The following DLGAP1 variants were observed in gnomAD, a reference collection of about 807,000 sequenced individuals.
The protein encoded by DLGAP1 is disks large-associated protein 1.
Under a neutral mutation model 90.8 loss-of-function variants are expected in DLGAP1, and 11 were observed. The ratio of observed to expected loss-of-function variants is 0.12; its 90% CI spans 0.08 to 0.20. The LOEUF is 0.20. Among genes scored for constraint, DLGAP1 ranks in the 10% least tolerant of loss-of-function variants. The probability of loss-of-function intolerance (pLI) is 1.00; values close to 1 mark genes in which losing one functional copy is unlikely to be tolerated. For missense variants in DLGAP1, 1,050 were observed against 1,333.8 expected, an observed-to-expected ratio of 0.79 and a Z score of 3.31; for synonymous variants, 558 against 540.7, an observed-to-expected ratio of 1.03 and a Z score of -0.44.
intron 1 of DLGAP1, among the ~76,000 whole-genome samples, chr18:4,307,709 C>CTTTT (rs34193366): frequency 2.8e-5 from 3 of 107,210 alleles, no homozygotes; most frequent in African/African-American, 7.0e-5. Flanking sequence ...TGAGGGTTTA[C>CTTTT]TTTTTTTTTT....
intron 2 of DLGAP1, among the ~76,000 whole-genome samples, chr18:4,111,450 GTT>G (rs1313507730): frequency 3.9e-5 from 6 of 151,986 alleles, no homozygotes; most frequent in Non-Finnish European, 8.8e-5. Context: ...GTTAGGAAGT[GTT>G]TTCTCTCCTC....
At chr18:3,840,435 C>A (rs2068651103) in intron 4 of DLGAP1, among the ~76,000 whole-genome samples, 1 of 152,304 alleles carries the variant, frequency 6.6e-6, no homozygotes, top group African/African-American at 2.4e-5. Context: ...CAACCAAGAG[C>A]AAAGCATCTT....
chr18:3,981,183 C>T (rs536326556), intron 3 of DLGAP1, among the ~76,000 whole-genome samples: 5 of 152,290 alleles, frequency 3.3e-5, no homozygotes, highest in South Asian at 2.1e-4. Context: ...CCCCATCAGA[C>T]GAAAGGGTAT....
intron 10 of DLGAP1, among the ~76,000 whole-genome samples, chr18:3,522,032 A>T (rs1165065713): frequency 2.0e-5 from 3 of 151,454 alleles, no homozygotes; most frequent in African/African-American, 7.3e-5. Flanking sequence ...GAAAAGTCAC[A>T]CCATCTAGGA....
intron 1 of DLGAP1, among the ~76,000 whole-genome samples, chr18:4,332,620 G>A (rs1174731988): frequency 1.3e-5 from 2 of 151,902 alleles, no homozygotes; most frequent in East Asian, 3.9e-4. Context: ...GAGGCAGAAT[G>A]GACCAATACA....
intron 3 of DLGAP1, among the ~76,000 whole-genome samples, chr18:3,905,867 A>T (rs755776731): frequency 2.0e-5 from 3 of 152,178 alleles, no homozygotes; most frequent in Non-Finnish European, 1.5e-5. Flanking sequence ...ACTCTACAAA[A>T]GGGTTCGAAG....
intron 9 of DLGAP1, among the ~76,000 whole-genome samples, chr18:3,542,066 T>C (rs1307867621): frequency 6.6e-6 from 1 of 152,238 alleles, no homozygotes; most frequent in Non-Finnish European, 1.5e-5. Context: ...CACAGGCATA[T>C]TTAATGCCAG....
At chr18:4,185,591 C>CT (rs1325864181) in intron 1 of DLGAP1, among the ~76,000 whole-genome samples, 2 of 152,182 alleles carry the variant, frequency 1.3e-5, no homozygotes, top group East Asian at 1.9e-4. Context: ...TGATTTCTTT[C>CT]TTTTTTATAG....
Position 4,254,288 on chromosome 18 carries a change from A to G in DLGAP1, c.-266-103001T>C, listed in dbSNP as rs79205095. ...GATGATCCTAATTTTTAACAATTAA[A>G]TGGAAACTGAAACTTGGGAACTGAA... On this transcript the variant is annotated intron_variant, in intron 1 of 12. Transcript: ENST00000315677. Among the ~76,000 whole-genome samples the G allele has an allele frequency of 4.1e-3, 626 of 152,330 alleles. 6 individuals are homozygous for G. The highest frequency in any genetic ancestry group is 0.014 in the African/African-American group (601 of 41,576).
chr18:4,284,225 T>C (rs1308676086), intron 1 of DLGAP1, among the ~76,000 whole-genome samples: 1 of 141,642 alleles, frequency 7.1e-6, no homozygotes, highest in Admixed American at 7.1e-5. Context: ...AAAAATCAAG[T>C]GTGGCCCTCC....
chr18:3,741,219 A>ACATCACCATCACCACCACCAC (rs2062993262), intron 6 of DLGAP1, among the ~76,000 whole-genome samples: 1 of 85,658 alleles, frequency 1.2e-5, no homozygotes, highest in Non-Finnish European at 2.3e-5. Context: ...CACCACCACC[A>ACATCACCATCACCACCACCAC]CATCACCATC....
chr18:3,691,012 G>A (rs187680085), intron 7 of DLGAP1, among the ~76,000 whole-genome samples: 431 of 152,316 alleles, frequency 2.8e-3, no homozygotes, highest in African/African-American at 1.0e-2. Context: ...GGTGGAAGGT[G>A]TATATAAGGG....
intron 2 of DLGAP1, among the ~76,000 whole-genome samples, chr18:4,083,660 A>G (rs1221794058): frequency 6.6e-6 from 1 of 152,290 alleles, no homozygotes; most frequent in South Asian, 2.1e-4. Context: ...AAACTAGAAA[A>G]GTTCCCTTTT....
intron 7 of DLGAP1, among the ~76,000 whole-genome samples, chr18:3,657,941 G>T (rs1047343694): frequency 1.1e-4 from 16 of 152,164 alleles, no homozygotes; most frequent in Non-Finnish European, 2.4e-4. Flanking sequence ...CCAAACTCTT[G>T]TATCTGTAGC....
intron 1 of DLGAP1, among the ~76,000 whole-genome samples, chr18:4,368,636 TACACACA>T (rs2081835347): frequency 7.4e-6 from 1 of 134,932 alleles, no homozygotes; most frequent in South Asian, 2.6e-4. Flanking sequence ...CTCTCTCTCA[TACACACA>T]CACACACACA....
At chr18:4,335,816 C>A (rs1349096510) in intron 1 of DLGAP1, among the ~76,000 whole-genome samples, 1 of 152,114 alleles carries the variant, frequency 6.6e-6, no homozygotes, top group African/African-American at 2.4e-5. Flanking sequence ...AATTGAAAGA[C>A]TGCGTTAGAA....
Position 3,879,901 on chromosome 18 carries a change from C to G in DLGAP1, c.168G>C (p.Glu56Asp), listed in dbSNP as rs1599095049. 4 of 1,612,404 alleles carry G rather than the reference C, an allele frequency of 2.5e-6. No homozygotes were observed. Among genetic ancestry groups the G allele is most frequent in the Non-Finnish European group, 3.4e-6 (4 of 1,179,780 alleles). Residue 56 changes from glutamate to aspartate, a missense_variant, in exon 4 of 13, where the codon GAG becomes GAC. By Grantham distance (45) the Glu-to-Asp change is conservative. Transcript: ENST00000315677. The surrounding 1 kb of genome is among the most constrained non-coding windows in gnomAD (Gnocchi z 6.6). ...GCGGGTCGCTGAAGGGGCCCACGCA[C>G]TCAGCCTGGAAGGAGTTCCGCTGGG... ...YYTQRNSFQA[E>D]CVGPFSDPLA...
rs371412009 is a variant in DLGAP1 at position 3,600,829 on chromosome 18, T to TATATAGATATATATAG, written c.1592-18582_1592-18581insCTATATATATCTATAT. ...ATATAGATATATATAGATATATAGA[T>TATATAGATATATATAG]ATATATAGATATATATAGATATATA... On this transcript the variant is annotated intron_variant, in intron 7 of 12. Transcript: ENST00000315677. Among the ~76,000 whole-genome samples the TATATAGATATATATAG allele has an allele frequency of 7.0e-4, 19 of 26,980 alleles. 2 individuals are homozygous for TATATAGATATATATAG. The highest frequency in any genetic ancestry group is 2.6e-3 in the African/African-American group (14 of 5,312). The allele number at this position is 26,980 out of a possible 152,430, so 17.7% of individuals were successfully genotyped here.
Position 3,692,447 on chromosome 18 carries a change from CAG to C in DLGAP1, c.1591+36686_1591+36687del, listed in dbSNP as rs150879534. On this transcript the variant is annotated intron_variant, in intron 7 of 12. Coordinates refer to ENST00000315677, the MANE Select transcript of DLGAP1 (RefSeq NM_004746.4). ...AGTAGTTTATCCTTTTACCAGGCAT[CAG>C]AGTGTCTTGTGACAATGTACACAAT... 6.0e-3 allele frequency among the ~76,000 whole-genome samples: 921 copies of C among 152,300 alleles called. 13 individuals carry two copies. Among genetic ancestry groups the C allele is most frequent in the African/African-American group, 0.021 (883 of 41,574 alleles).
Sources: allele counts gnomAD v4.1 joint callset (sites outside exome capture counted in the v4.1 genomes callset), GRCh38; gene constraint gnomAD v4.1.1; non-coding constraint Gnocchi (gnomAD v3.1); transcripts MANE v1.5; gene names NCBI Gene and HGNC (gene_info 2026-07-23, HGNC 2026-07-21).